Variants in ATP6V0A2 observed in about 807,000 individuals in gnomAD.
ATP6V0A2 encodes V-type proton ATPase 116 kDa subunit a 2.
Under a neutral mutation model 104.4 loss-of-function variants are expected in ATP6V0A2, and 58 were observed. The observed-to-expected ratio is 0.56, with a 90% confidence interval of 0.45 to 0.69. The LOEUF is 0.69. Among genes scored for constraint, ATP6V0A2 ranks in the 30% least tolerant of loss-of-function variants. The probability of loss-of-function intolerance (pLI) is 0.00; values close to 1 mark genes in which losing one functional copy is unlikely to be tolerated. For missense variants in ATP6V0A2, 938 were observed against 1,062.9 expected, an observed-to-expected ratio of 0.88 and a Z score of 1.63; for synonymous variants, 376 against 397.9, an observed-to-expected ratio of 0.95 and a Z score of 0.65.
In ATP6V0A2 at chr12:123,726,002, C is replaced by T. The variant is rs882563; in HGVS notation, c.433-195C>T. ...CTTTTATGTAAATGTCTTCAATTGG[C>T]TTACAAATAAAGGATGGGGAAGTTA... On this transcript the variant is annotated intron_variant, in intron 4 of 19. Coordinates refer to ENST00000330342, the MANE Select transcript of ATP6V0A2 (RefSeq NM_012463.4). Among the ~76,000 whole-genome samples the T allele has an allele frequency of 0.54, 81,568 of 151,854 alleles. 23,758 individuals are homozygous for T. Among genetic ancestry groups the T allele is most frequent in the East Asian group, 0.94 (4,863 of 5,176 alleles).
At chr12:123,746,512 C>T (rs1455882765) in intron 13 of ATP6V0A2, among the ~76,000 whole-genome samples, 1 of 151,258 alleles carries the variant, frequency 6.6e-6, no homozygotes, top group African/African-American at 2.4e-5. Context: ...AGTGGTGGTG[C>T]GTGCCTGTGG....
chr12:123,714,782 GA>G (rs1448102797), intron 1 of ATP6V0A2, among the ~76,000 whole-genome samples: 1 of 151,194 alleles, frequency 6.6e-6, no homozygotes, highest in Non-Finnish European at 1.5e-5. Flanking sequence ...CCACACAATA[GA>G]AAAAAAAAGT....
chr12:123,742,519 C>T (rs1403122112), intron 9 of ATP6V0A2, among the ~76,000 whole-genome samples: 1 of 152,126 alleles, frequency 6.6e-6, no homozygotes, highest in East Asian at 1.9e-4. Context: ...TTCCCCAGAA[C>T]CCCATTACAT....
At chr12:123,752,542 C>A in intron 17 of ATP6V0A2, 140 bp downstream of exon 17, 1 of 1,018,728 alleles carries the variant, frequency 9.8e-7, no homozygotes, top group Non-Finnish European at 1.4e-6. Context: ...TATGAGAAAC[C>A]AGCGCTTTCC....
chr12:123,725,622 A>G (rs537018435), intron 4 of ATP6V0A2, among the ~76,000 whole-genome samples: 1 of 152,184 alleles, frequency 6.6e-6, no homozygotes, highest in Non-Finnish European at 1.5e-5. Flanking sequence ...CCTTGTCTAT[A>G]CAAAAAATAA....
intron 18 of ATP6V0A2, 55 bp downstream of exon 18, chr12:123,754,592 AG>A: frequency 8.1e-7 from 1 of 1,237,982 alleles, no homozygotes; most frequent in Non-Finnish European, 1.2e-6. Context: ...CAGCAGACTC[AG>A]GGGGCACTGT....
chr12:123,728,039 C>A, intron 6 of ATP6V0A2, 130 bp downstream of exon 6: 1 of 1,181,982 alleles, frequency 8.5e-7, no homozygotes, highest in Non-Finnish European at 1.2e-6. Context: ...ATCTCTTCAA[C>A]CACGTGTAGT....
At chr12:123,747,449 T>C (rs1349426946) in intron 13 of ATP6V0A2, among the ~76,000 whole-genome samples, 158 bp from the exon 14 acceptor site, 1 of 152,244 alleles carries the variant, frequency 6.6e-6, no homozygotes, top group Non-Finnish European at 1.5e-5. Flanking sequence ...TTTAAGGAAA[T>C]CAATGGTTCT....
At chr12:123,724,863 G>T in intron 4 of ATP6V0A2, 72 bp downstream of exon 4, 1 of 1,368,494 alleles carries the variant, frequency 7.3e-7, no homozygotes, top group Non-Finnish European at 1.0e-6. Flanking sequence ...ATTCCCATAG[G>T]CTGTGTATTT....
At position 123,747,667 on chromosome 12, in the gene ATP6V0A2, G is replaced by C. The variant is rs139454557; in HGVS notation, c.1666G>C (p.Val556Leu). 1 of 1,613,506 alleles carries C rather than the reference G, an allele frequency of 6.2e-7. No homozygotes were observed. The highest frequency in any genetic ancestry group is 1.3e-5 in the African/African-American group (1 of 74,872). Residue 556 changes from valine (V) to leucine (L), a missense_variant, in exon 14 of 20, where the codon GTG becomes CTG. Coordinates refer to ENST00000330342, the MANE Select transcript of ATP6V0A2 (RefSeq NM_012463.4). ...AAACTCTTTCAAAATGAAAATGTCC[G>C]TGATTTTAGGAATCATTCATATGAC... ...FLNSFKMKMSVILGIIHMTFG... is the reference protein window; with the variant it reads ...FLNSFKMKMSLILGIIHMTFG...
rs542472461 is a variant in ATP6V0A2 at position 123,727,711 on chromosome 12, C to T, written c.522-72C>T. ...CACCACTTGGTAGAAATGAAGTCTT[C>T]ATCATTCTTAATGTAGTTTGATAAC... On this transcript the variant is annotated intron_variant, in intron 5 of 19. Coordinates refer to ENST00000330342, the MANE Select transcript of ATP6V0A2 (RefSeq NM_012463.4). 3 of 1,585,200 alleles carry T rather than the reference C, an allele frequency of 1.9e-6. No individual in the cohort carries two copies. The African/African-American group carries it at 4.0e-5, about 21-fold the overall frequency.
chr12:123,744,261 A>G lies in ATP6V0A2; in HGVS notation c.1250A>G (p.His417Arg), dbSNP rs776345193. ...LFAVMFGDFGHGFVMFLFALL... is the reference protein window; with the variant it reads ...LFAVMFGDFGRGFVMFLFALL... ...GCTGTGATGTTTGGAGACTTCGGACATGGCTTTGTGATGTTTTTATTTGCC... is the reference window on the plus strand; with the variant it reads ...GCTGTGATGTTTGGAGACTTCGGACGTGGCTTTGTGATGTTTTTATTTGCC... The change falls in exon 11 of 20, where the codon CAT becomes CGT. Residue 417 changes from histidine to arginine, a missense_variant. By Grantham distance (29) the His-to-Arg change is conservative. Coordinates refer to ENST00000330342, the MANE Select transcript of ATP6V0A2 (RefSeq NM_012463.4). This position sits in a 1 kb window ranked among gnomAD's most constrained non-coding sequence, Gnocchi z 5.4. The G allele has an allele frequency of 1.2e-6, 2 of 1,614,198 alleles. No homozygotes were observed. The highest frequency in any genetic ancestry group is 1.7e-6 in the Non-Finnish European group (2 of 1,180,028).
intron 2 of ATP6V0A2, among the ~76,000 whole-genome samples, chr12:123,721,886 G>C (rs10160937): frequency 1.3e-5 from 2 of 152,026 alleles, no homozygotes; most frequent in African/African-American, 4.8e-5. Flanking sequence ...GGGCATCTGC[G>C]AGAAATCATG....
intron 1 of ATP6V0A2, among the ~76,000 whole-genome samples, chr12:123,714,563 A>AGAG (rs770318779): frequency 4.6e-5 from 7 of 152,316 alleles, no homozygotes; most frequent in Non-Finnish European, 1.0e-4. Flanking sequence ...TCTCAGTCTA[A>AGAG]GAACAGGTTT....
rs549945320 is a variant in ATP6V0A2 at position 123,730,918 on chromosome 12, G to C, written c.649-3008G>C. The stretch of plus-strand genomic sequence containing the variant: ...GACGGGATTTTACCATGTTGGCTAG[G>C]CTGGCCTTGAACTCCTGACCTCAAG... On this transcript the variant is annotated intron_variant, in intron 6 of 19. Coordinates refer to ENST00000330342, the MANE Select transcript of ATP6V0A2 (RefSeq NM_012463.4). 2.0e-5 allele frequency: 3 copies of C among 152,084 alleles called. No individual in the cohort carries two copies. The South Asian group carries it at 6.2e-4, about 31-fold the overall frequency. 9.4% of individuals were successfully genotyped at this position (152,084 alleles called of 1,614,324 possible).
chr12:123,735,377 G>A (rs902343355), intron 7 of ATP6V0A2, among the ~76,000 whole-genome samples, 154 bp from the exon 8 acceptor site: 4 of 152,192 alleles, frequency 2.6e-5, no homozygotes, highest in African/African-American at 7.2e-5. Context: ...GCATCTGTAT[G>A]CACAGCCCGA....
In ATP6V0A2 at chr12:123,744,628, T is replaced by A; in HGVS notation, c.1358T>A (p.Ile453Asn). 6.2e-7 allele frequency: 1 copy of A among 1,613,564 alleles called. No homozygotes were observed. Among genetic ancestry groups the A allele is most frequent in the Non-Finnish European group, 8.5e-7 (1 of 1,180,020 alleles). The change falls in exon 12 of 20, where the codon ATC becomes AAC. Residue 453 changes from isoleucine (I) to asparagine (N), a missense_variant. Physicochemically the swap from Ile to Asn is moderately radical, Grantham distance 149 (BLOSUM62 -3). Coordinates refer to ENST00000330342, the MANE Select transcript of ATP6V0A2 (RefSeq NM_012463.4). This position sits in a 1 kb window ranked among gnomAD's most constrained non-coding sequence, Gnocchi z 5.4. Reference protein sequence around the residue: ...IMRMFFNGRYILLLMGLFSVY... With the variant: ...IMRMFFNGRYNLLLMGLFSVY... ...AGGATGTTTTTTAATGGCCGGTACA[T>A]CCTCCTGCTGATGGGGCTGTTCTCA... is the stretch of plus-strand genomic sequence containing the variant.
At position 123,712,697 on chromosome 12, in the gene ATP6V0A2, G is replaced by T. The variant is rs1555295262; in HGVS notation, c.117+15G>T. 9.4e-6 allele frequency: 15 copies of T among 1,598,622 alleles called. No individual in the cohort carries two copies. The Admixed American group carries it at 2.5e-4, about 27-fold the overall frequency. On this transcript the variant is annotated intron_variant, in intron 1 of 19. Coordinates refer to ENST00000330342, the MANE Select transcript of ATP6V0A2 (RefSeq NM_012463.4). ...AGTTCCGAGACGTGAGTGTCGCCCG[G>T]GAGACGCGGGCCGCACCTGCTCTCC...
intron 9 of ATP6V0A2, 45 bp downstream of exon 9, chr12:123,737,316 G>A (rs1956565181): frequency 6.4e-7 from 1 of 1,568,840 alleles, no homozygotes; most frequent in Non-Finnish European, 8.8e-7. Context: ...AAGAGAGACT[G>A]ATGGAACTGA....
Sources: gnomAD v4.1 joint callset for allele counts (sites outside exome capture counted in the v4.1 genomes callset) on GRCh38, gnomAD v4.1.1 for gene constraint, Gnocchi (gnomAD v3.1) non-coding constraint, MANE v1.5 for transcripts, NCBI Gene and HGNC (gene_info 2026-07-23, HGNC 2026-07-21) for gene names.